The following FMN1 variants were observed in gnomAD, a reference collection of about 807,000 sequenced individuals.
FMN1 encodes the protein formin 1.
In FMN1, 110 loss-of-function variants were observed where a neutral mutation model predicts 132.4. That is an observed-to-expected ratio of 0.83 (90% CI 0.71 to 0.97). FMN1 has a LOEUF of 0.97. Ranked by LOEUF, FMN1 falls within the 50% of genes least tolerant of loss-of-function variation. FMN1 has a pLI of 0.00. For missense variants in FMN1, 1,792 were observed against 1,705.3 expected (o/e 1.05, Z -0.90); for synonymous variants, 722 against 651.7 (o/e 1.11, Z -1.64).
chr15:32,840,983 T>C (rs1387945206), intron 17 of FMN1, among the ~76,000 whole-genome samples: 2 of 152,170 alleles, frequency 1.3e-5, no homozygotes, highest in African/African-American at 4.8e-5. Context: ...AAGAGGGACT[T>C]ACAGACAGAA....
intron 13 of FMN1, 140 bp from the exon 14 acceptor site, chr15:32,900,265 A>G (rs1489696257): frequency 1.2e-6 from 1 of 844,552 alleles, no homozygotes; most frequent in Admixed American, 2.0e-5. Flanking sequence ...GAAATGAAAA[A>G]CACACTTTAC....
intron 6 of FMN1, among the ~76,000 whole-genome samples, chr15:33,049,531 C>G (rs1454212183): frequency 6.6e-6 from 1 of 152,140 alleles, no homozygotes; most frequent in African/African-American, 2.4e-5. Flanking sequence ...ATAGTAATGA[C>G]TAAAGTTTTG....
chr15:33,047,405 A>G (rs915259933), intron 6 of FMN1, among the ~76,000 whole-genome samples: 2 of 152,226 alleles, frequency 1.3e-5, no homozygotes, highest in African/African-American at 2.4e-5. Flanking sequence ...TTGTGTGCCT[A>G]AAGTTGAGTA....
Position 33,016,613 on chromosome 15 carries a change from A to G in FMN1, c.2162-8538T>C, listed in dbSNP as rs542826845. Among the ~76,000 whole-genome samples, 9 of 152,350 alleles carry G rather than the reference A, an allele frequency of 5.9e-5. No individual in the cohort carries two copies. In the South Asian group the frequency reaches 1.0e-3, roughly 18 times the overall value. The stretch of plus-strand genomic sequence containing the variant: ...GCTTTTTAACTGGGTGTCTCAGGCT[A>G]GCAGCTGGTGAGAGGCTGTTACCTG... On this transcript the variant is annotated intron_variant, in intron 6 of 20. Coordinates refer to ENST00000616417, the MANE Select transcript of FMN1 (RefSeq NM_001277313.2).
intron 3 of FMN1, among the ~76,000 whole-genome samples, chr15:33,179,184 A>C (rs1267978537): frequency 6.6e-6 from 1 of 152,222 alleles, no homozygotes; most frequent in African/African-American, 2.4e-5. Context: ...AAGTATAAAA[A>C]TTCAATAGGA....
At chr15:32,819,141 G>A (rs985019080) in intron 17 of FMN1, among the ~76,000 whole-genome samples, 1 of 152,200 alleles carries the variant, frequency 6.6e-6, no homozygotes, top group Non-Finnish European at 1.5e-5. Flanking sequence ...CTGAGGCTGA[G>A]CTCTGCCTCT....
At chr15:32,887,943 G>C (rs555598663) in intron 16 of FMN1, among the ~76,000 whole-genome samples, 53 of 152,142 alleles carry the variant, frequency 3.5e-4, no homozygotes, top group African/African-American at 1.2e-3. Context: ...TAGATATAAC[G>C]AGATATGGAT....
intron 4 of FMN1, among the ~76,000 whole-genome samples, chr15:33,099,861 A>T (rs923230029): frequency 3.3e-5 from 5 of 152,192 alleles, no homozygotes; most frequent in Admixed American, 1.3e-4. Context: ...AGGTAGCATA[A>T]ATCTCTGCAA....
chr15:32,780,488 T>C, intron 19 of FMN1, among the ~76,000 whole-genome samples: 1 of 152,230 alleles, frequency 6.6e-6, no homozygotes, highest in East Asian at 1.9e-4. Context: ...CTATCCCTTA[T>C]TTAGCATGTC....
intron 13 of FMN1, 27 bp from the exon 14 acceptor site, chr15:32,900,152 G>A (rs188753450): frequency 6.9e-5 from 111 of 1,612,470 alleles, no homozygotes; most frequent in Admixed American, 5.0e-4. Flanking sequence ...CAGTTATTAC[G>A]GAGCTGAACT....
intron 4 of FMN1, among the ~76,000 whole-genome samples, chr15:33,127,830 GA>G: frequency 6.6e-6 from 1 of 152,180 alleles, no homozygotes; most frequent in East Asian, 1.9e-4. Context: ...CAGTCTCCCT[GA>G]AAAATTCTGT....
intron 5 of FMN1, chr15:33,068,175 G>A (rs529836146): frequency 5.2e-6 from 2 of 382,312 alleles, no homozygotes; most frequent in South Asian, 6.8e-5. Context: ...CTGCTCTTCT[G>A]AAACTTCCGT....
chr15:32,984,760 C>G (rs2032945404), intron 7 of FMN1, among the ~76,000 whole-genome samples: 1 of 152,024 alleles, frequency 6.6e-6, no homozygotes, highest in Non-Finnish European at 1.5e-5. Context: ...TTTTTCTACA[C>G]AAATTGCATT....
chr15:32,977,260 T>A (rs982175015), intron 7 of FMN1, among the ~76,000 whole-genome samples: 2 of 152,172 alleles, frequency 1.3e-5, no homozygotes, highest in African/African-American at 4.8e-5. Flanking sequence ...CAATAAGAGA[T>A]AGACTAAATC....
In FMN1 at chr15:32,898,750, G is replaced by C; in HGVS notation, c.3714+84C>G. ...ATATTCTATGTTGGGCTTGCAGTTC[G>C]TTCATCCATCTATCCATCATCCAAC... is the stretch of plus-strand genomic sequence containing the variant. On this transcript the variant is annotated intron_variant, in intron 15 of 20. Transcript: ENST00000616417. 4 of 880,760 alleles carry C rather than the reference G, an allele frequency of 4.5e-6. No homozygotes were observed. In the Admixed American group the frequency reaches 7.4e-5, roughly 16 times the overall value. The allele number at this position is 880,760 out of a possible 1,614,324, so 54.6% of individuals were successfully genotyped here.
At chr15:32,799,459 G>C (rs1287847546) in intron 18 of FMN1, among the ~76,000 whole-genome samples, 1 of 152,146 alleles carries the variant, frequency 6.6e-6, no homozygotes, top group African/African-American at 2.4e-5. Context: ...CAATCACTCA[G>C]CATCTTTGAC....
At chr15:32,798,216 A>ACACACAC (rs1286307994) in intron 19 of FMN1, among the ~76,000 whole-genome samples, 53 of 140,986 alleles carry the variant, frequency 3.8e-4, no homozygotes, top group African/African-American at 1.3e-3. Flanking sequence ...ACACACACAC[A>ACACACAC]CCCCGTCTAT....
At chr15:33,007,854 G>A (rs2140943520) in intron 7 of FMN1, among the ~76,000 whole-genome samples, 160 bp downstream of exon 7, 1 of 152,266 alleles carries the variant, frequency 6.6e-6, no homozygotes, top group Non-Finnish European at 1.5e-5. Context: ...CAGAATCCAA[G>A]ACTTTTCATT....
intron 5 of FMN1, chr15:33,067,387 TG>T: frequency 6.2e-7 from 1 of 1,614,002 alleles, no homozygotes; most frequent in South Asian, 1.1e-5. Context: ...TAGGGGACTT[TG>T]GGCCATTGGT....
Sources: gnomAD v4.1 joint callset for allele counts (sites outside exome capture counted in the v4.1 genomes callset) on GRCh38, gnomAD v4.1.1 for gene constraint, MANE v1.5 for transcripts, NCBI Gene and HGNC (gene_info 2026-07-23, HGNC 2026-07-21) for gene names.